The following ENOX2 variants were observed in gnomAD, a reference collection of about 807,000 sequenced individuals.
The protein encoded by ENOX2 is APK1 antigen.
In ENOX2, 36 loss-of-function variants were observed where a neutral mutation model predicts 45.0. That is an observed-to-expected ratio of 0.80 (90% CI 0.61 to 1.06). ENOX2 has a LOEUF of 1.06. ENOX2 is among the 50% of genes least tolerant of loss of function. The probability of loss-of-function intolerance (pLI) is 0.00; values close to 1 mark genes in which losing one functional copy is unlikely to be tolerated. For missense variants in ENOX2, 423 were observed against 462.5 expected, an observed-to-expected ratio of 0.91 and a Z score of 0.78; for synonymous variants, 174 against 152.3, an observed-to-expected ratio of 1.14 and a Z score of -1.05.
intron 3 of ENOX2, among the ~76,000 whole-genome samples, chrX:130,716,427 T>C (rs1243774516): frequency 8.9e-6 from 1 of 112,187 alleles, no homozygotes; most frequent in Non-Finnish European, 1.9e-5. Flanking sequence ...AAACCATGGA[T>C]GACATTTGTA....
At chrX:130,678,035 C>CA (rs1466218861) in intron 6 of ENOX2, among the ~76,000 whole-genome samples, 1 of 107,606 alleles carries the variant, frequency 9.3e-6, no homozygotes, top group Non-Finnish European at 1.9e-5. Context: ...TGCGGTGAGC[C>CA]AAAATCACAT....
chrX:130,687,427 A>G (rs916109984), intron 5 of ENOX2, among the ~76,000 whole-genome samples: 1 of 112,665 alleles, frequency 8.9e-6, no homozygotes, highest in Non-Finnish European at 1.9e-5. Flanking sequence ...AAAAGGTACT[A>G]TCAGGAATAC....
chrX:130,867,672 A>T (rs1002677245), intron 2 of ENOX2, among the ~76,000 whole-genome samples: 3 of 112,002 alleles, frequency 2.7e-5, no homozygotes, highest in Admixed American at 1.9e-4. Context: ...ACGTGTTCCA[A>T]AATTCTAATT....
intron 10 of ENOX2, among the ~76,000 whole-genome samples, chrX:130,648,916 G>A (rs1317489136): frequency 5.7e-5 from 6 of 105,881 alleles, no homozygotes; most frequent in African/African-American, 2.1e-4. Flanking sequence ...GTGGTGGCAT[G>A]TGCCTGTAAT....
intron 3 of ENOX2, among the ~76,000 whole-genome samples, chrX:130,734,608 G>T (rs1466196623): frequency 1.8e-5 from 2 of 111,745 alleles, no homozygotes; most frequent in African/African-American, 6.5e-5. Context: ...CAGTACTACA[G>T]GCAACTTGGA....
At position 130,687,227 on chromosome X, in the gene ENOX2, T is replaced by TA. The variant is rs759503728; in HGVS notation, c.253+1635dup. On this transcript the variant is annotated intron_variant, in intron 5 of 14. Coordinates refer to ENST00000394363, the MANE Select transcript of ENOX2 (RefSeq NM_006375.4). Reference sequence around the variant, plus strand: ...TTTAGAAACTGAACATCCTGTAAAGTAAACTACTGCAACCAACCTGGACAT... The same window carrying TA: ...TTTAGAAACTGAACATCCTGTAAAGTAAAACTACTGCAACCAACCTGGACAT... Among the ~76,000 whole-genome samples, 9 of 112,218 alleles carry TA rather than the reference T, an allele frequency of 8.0e-5. No individual in the cohort carries two copies. In the East Asian group the frequency reaches 1.4e-3, roughly 17 times the overall value.
At chrX:130,775,111 G>T (rs1295982399) in intron 3 of ENOX2, among the ~76,000 whole-genome samples, 1 of 112,168 alleles carries the variant, frequency 8.9e-6, no homozygotes, top group African/African-American at 3.2e-5. Context: ...TGACTTATCT[G>T]ATTATCATGC....
intron 2 of ENOX2, among the ~76,000 whole-genome samples, chrX:130,889,743 A>G (rs1321694701): frequency 8.9e-6 from 1 of 112,638 alleles, no homozygotes; most frequent in East Asian, 2.8e-4. Flanking sequence ...CTAACCATCA[A>G]AGCTGCAAAC....
intron 10 of ENOX2, among the ~76,000 whole-genome samples, chrX:130,648,734 G>A (rs1373949261): frequency 9.1e-6 from 1 of 109,695 alleles, no homozygotes; most frequent in East Asian, 2.9e-4. Flanking sequence ...GAAGGGGGGT[G>A]CATTCTCACT....
At chrX:130,771,100 G>T (rs2039731115) in intron 3 of ENOX2, among the ~76,000 whole-genome samples, 1 of 111,894 alleles carries the variant, frequency 8.9e-6, no homozygotes, top group African/African-American at 3.2e-5. Context: ...TAAGGGTAGA[G>T]ATTATCTTTG....
At chrX:130,806,911 T>C (rs1037249319) in intron 2 of ENOX2, among the ~76,000 whole-genome samples, 21 of 112,422 alleles carry the variant, frequency 1.9e-4, no homozygotes, top group African/African-American at 6.8e-4. Flanking sequence ...CTGATAGAGT[T>C]CATTAAGTGT....
intron 3 of ENOX2, among the ~76,000 whole-genome samples, chrX:130,736,607 G>A (rs752076981): frequency 2.0e-4 from 22 of 111,739 alleles, no homozygotes; most frequent in Non-Finnish European, 3.0e-4. Context: ...TATGACAATT[G>A]GTGTAGCTAT....
In ENOX2 at chrX:130,669,864, T is replaced by C. The variant is rs1267855754; in HGVS notation, c.694+101A>G. 9 of 598,196 alleles carry C rather than the reference T, an allele frequency of 1.5e-5. No homozygotes were observed. The Admixed American group carries it at 2.0e-4, about 13-fold the overall frequency. The allele number at this position is 598,196 out of a possible 1,213,427, so 49.3% of individuals were successfully genotyped here. A position where few individuals can be genotyped will look rare whatever the true frequency, so the allele number is the denominator to read the frequency against. ...ACAAGAAATGCTTAGAATCCATTAG[T>C]AGGAAACTCAAAGTGTAACTGTCAA... On this transcript the variant is annotated intron_variant, in intron 7 of 14. Coordinates refer to ENST00000394363, the MANE Select transcript of ENOX2 (RefSeq NM_006375.4).
At chrX:130,796,439 G>T (rs1360538937) in intron 2 of ENOX2, among the ~76,000 whole-genome samples, 3 of 111,935 alleles carry the variant, frequency 2.7e-5, no homozygotes, top group African/African-American at 6.5e-5. Flanking sequence ...CATAAAGGCT[G>T]CCAGGAAACA....
chrX:130,645,284 G>C (rs1025286638), intron 10 of ENOX2, among the ~76,000 whole-genome samples: 2 of 111,451 alleles, frequency 1.8e-5, no homozygotes, highest in Non-Finnish European at 3.8e-5. Context: ...ATTGTGTAAG[G>C]GTAGACATAA....
intron 3 of ENOX2, among the ~76,000 whole-genome samples, chrX:130,736,390 T>C (rs1458123600): frequency 9.0e-6 from 1 of 111,321 alleles, no homozygotes; most frequent in Non-Finnish European, 1.9e-5. Flanking sequence ...ATTGTGGCTA[T>C]ACAACTTATA....
rs748218487 is a variant in ENOX2, at chrX:130,852,320, A to G, written c.-183+49364T>C. Reference sequence around the variant, plus strand: ...CCAAAATATTTATTTAGAGCCTACTATATGCCAATGACTTTTCTAGGCAAT... The same window carrying G: ...CCAAAATATTTATTTAGAGCCTACTGTATGCCAATGACTTTTCTAGGCAAT... On this transcript the variant is annotated intron_variant, in intron 2 of 14. Transcript: ENST00000394363. 4.3e-4 allele frequency among the ~76,000 whole-genome samples: 48 copies of G among 112,081 alleles called. 1 individual carries two copies. Among genetic ancestry groups the G allele is most frequent in the Admixed American group, 3.8e-3 (40 of 10,604 alleles).
At chrX:130,890,300 A>G (rs1356401018) in intron 2 of ENOX2, among the ~76,000 whole-genome samples, 1 of 111,451 alleles carries the variant, frequency 9.0e-6, no homozygotes, top group African/African-American at 3.3e-5. Context: ...ACAAACACGC[A>G]TACCAAAAAC....
chrX:130,623,621 G>A lies in ENOX2; in HGVS notation c.*1693C>T, dbSNP rs1255087177. 8.9e-6 allele frequency: 1 copy of A among 111,830 alleles called. No individual in the cohort carries two copies. The highest frequency in any genetic ancestry group is 1.9e-5 in the Non-Finnish European group (1 of 53,215). 9.2% of individuals were successfully genotyped at this position (111,830 alleles called of 1,213,427 possible). ...ATTATTAAAATTAGGTATTCCAAGA[G>A]CCCGAGACTGATGAATCAAAGCCTT... On this transcript the variant is annotated 3_prime_UTR_variant, in exon 15 of 15. Coordinates refer to ENST00000394363, the MANE Select transcript of ENOX2 (RefSeq NM_006375.4).
Sources: allele counts gnomAD v4.1 joint callset (sites outside exome capture counted in the v4.1 genomes callset), GRCh38; gene constraint gnomAD v4.1.1; transcripts MANE v1.5; gene names NCBI Gene and HGNC (gene_info 2026-07-23, HGNC 2026-07-21).